Variants in MICALL2 observed in about 807,000 individuals in gnomAD.
The protein encoded by MICALL2 is MICAL-like protein 2.
In MICALL2, 111 loss-of-function variants were observed where a neutral mutation model predicts 91.1. The ratio of observed to expected loss-of-function variants is 1.22; its 90% CI spans 1.04 to 1.43. The LOEUF (loss-of-function observed/expected upper bound fraction) is 1.43, where lower values mean the gene tolerates loss of function less well. Ranked by LOEUF, MICALL2 falls within the 40% of genes most tolerant of loss-of-function variation. The pLI is 0.00. For synonymous variants in MICALL2, 694 were observed against 525.3 expected, an observed-to-expected ratio of 1.32 and a Z score of -4.39; for missense variants, 1,556 against 1,236.0, an observed-to-expected ratio of 1.26 and a Z score of -3.88.
intron 1 of MICALL2, among the ~76,000 whole-genome samples, chr7:1,454,763 A>G (rs1562469610): frequency 6.6e-6 from 1 of 151,894 alleles, no homozygotes; most frequent in African/African-American, 2.4e-5. Flanking sequence ...ACTGCCTGGG[A>G]GCTTCTGGGT....
intron 14 of MICALL2, chr7:1,437,316 T>C (rs988528155): frequency 5.4e-5 from 27 of 497,046 alleles, no homozygotes; most frequent in African/African-American, 1.1e-4. Context: ...ATCCTCACTT[T>C]GCAGAGGATG....
In MICALL2 at chr7:1,446,620, G is replaced by A. The variant is rs566489934; in HGVS notation, c.641+93C>T. 2,328 of 838,698 alleles carry A rather than the reference G, an allele frequency of 2.8e-3. 9 individuals are homozygous for A. Among genetic ancestry groups the A allele is most frequent in the Non-Finnish European group, 3.4e-3 (1,731 of 516,566 alleles). The allele number at this position is 838,698 out of a possible 1,614,324, so 52.0% of individuals were successfully genotyped here. On this transcript the variant is annotated intron_variant, in intron 5 of 16. Transcript: ENST00000297508. ...AGAGGGGAGAGGAACGAGGAGCGGGGAGGAGGAGGCCGGGTGGGAGGCGAT... is the reference window on the plus strand; with the variant it reads ...AGAGGGGAGAGGAACGAGGAGCGGGAAGGAGGAGGCCGGGTGGGAGGCGAT...
chr7:1,448,553 C>A, intron 3 of MICALL2, 67 bp downstream of exon 3: 2 of 1,591,198 alleles, frequency 1.3e-6, no homozygotes, highest in South Asian at 2.2e-5. Flanking sequence ...AGTCCACAGG[C>A]CTGGGAGCCA....
chr7:1,452,845 T>G lies in MICALL2; in HGVS notation c.144-2557A>C, dbSNP rs2128525345. On this transcript the variant is annotated intron_variant, in intron 1 of 16. Transcript: ENST00000297508. This position sits in a 1 kb window ranked among gnomAD's most constrained non-coding sequence, Gnocchi z 6.2. ...GCGTTTGAGGCCTATTCAACTGGGC[T>G]GCACCACCCCGGCCGGTCCCACAGC... Among the ~76,000 whole-genome samples, 1 of 152,230 alleles carries G rather than the reference T, an allele frequency of 6.6e-6. No individual in the cohort carries two copies. Among genetic ancestry groups the G allele is most frequent in the Admixed American group, 6.5e-5 (1 of 15,302 alleles).
intron 1 of MICALL2, among the ~76,000 whole-genome samples, chr7:1,456,273 T>C (rs772573139): frequency 6.8e-6 from 1 of 146,816 alleles, no homozygotes; most frequent in Non-Finnish European, 1.6e-5. Context: ...AAAGAAACAA[T>C]ATGCTGAGTG....
At chr7:1,437,796 G>A in intron 13 of MICALL2, 94 bp downstream of exon 13, 2 of 1,319,524 alleles carry the variant, frequency 1.5e-6, no homozygotes, top group Non-Finnish European at 2.1e-6. Flanking sequence ...ACATGCATCT[G>A]AGGCCTGACT....
Position 1,442,205 on chromosome 7 carries a change from G to A in MICALL2, c.1698C>T (p.Thr566=), listed in dbSNP as rs765795797. ...CCCCTTACTCACCCTGCGTTAAGGT[G>A]GTGCTTTTACCCTTTGCCATCGGGG... ...PEAPMAKGKS[T]TLTQDMSTSL... The change falls in exon 7 of 17, where the codon ACC becomes ACT. Residue 566 remains threonine (T), a synonymous_variant. Transcript: ENST00000297508. 8 of 1,612,502 alleles carry A rather than the reference G, an allele frequency of 5.0e-6. No individual in the cohort carries two copies. The African/African-American group carries it at 1.1e-4, about 22-fold the overall frequency.
At chr7:1,439,474 C>T (rs1431780616) in intron 9 of MICALL2, 2 of 143,784 alleles carry the variant, frequency 1.4e-5, no homozygotes, top group Admixed American at 9.8e-5. Flanking sequence ...CACAGATGTA[C>T]ACATGGACAC....
intron 3 of MICALL2, among the ~76,000 whole-genome samples, chr7:1,448,350 G>A (rs1051384268): frequency 2.0e-5 from 3 of 152,236 alleles, no homozygotes; most frequent in African/African-American, 4.8e-5. Context: ...GGGAAGCAGC[G>A]GGGGCAGCTC....
At chr7:1,436,705 G>C in intron 15 of MICALL2, 37 bp downstream of exon 15, 1 of 1,534,518 alleles carries the variant, frequency 6.5e-7, no homozygotes, top group Non-Finnish European at 8.9e-7. Context: ...AGGCGACCTG[G>C]CCTGGCTGGG....
rs768036636 is a variant in MICALL2, at chr7:1,445,252, G to A, written c.818C>T (p.Pro273Leu). 6 of 1,612,366 alleles carry A rather than the reference G, an allele frequency of 3.7e-6. No individual in the cohort carries two copies. Among genetic ancestry groups the A allele is most frequent in the Non-Finnish European group, 5.1e-6 (6 of 1,179,802 alleles). ...CTTGTTTGCCTCCTGGGCCTTCTGT[G>A]GGGAACAGGAGGTCCTGGAATCCAC... is the stretch of plus-strand genomic sequence containing the variant. ...MGVDSRTSCS[P>L]QKAQEANKAR... The change falls in exon 6 of 17, where the codon CCA (proline) becomes CTA (leucine). Residue 273 changes from proline to leucine, a missense_variant. Physicochemically the swap from Pro to Leu is moderately conservative, Grantham distance 98 (BLOSUM62 -3). Transcript: ENST00000297508.
chr7:1,459,447 GC>G lies in MICALL2; in HGVS notation c.-122del, dbSNP rs1781136405. On this transcript the variant is annotated 5_prime_UTR_variant, in exon 1 of 17. Transcript: ENST00000297508. The stretch of plus-strand genomic sequence containing the variant: ...GCTACGGAACCGCCAGACCCACGGC[GC>G]CCAGCCCCAGCTGAGCCGGACTGAG... 3.1e-6 allele frequency: 3 copies of G among 977,526 alleles called. No individual in the cohort carries two copies. Among genetic ancestry groups the G allele is most frequent in the South Asian group, 2.5e-5 (1 of 39,716 alleles). 60.6% of individuals were successfully genotyped at this position (977,526 alleles called of 1,614,324 possible).
intron 1 of MICALL2, among the ~76,000 whole-genome samples, chr7:1,454,973 A>C (rs1376507261): frequency 6.6e-6 from 1 of 152,062 alleles, no homozygotes; most frequent in East Asian, 1.9e-4. Context: ...CTGCCTTGGA[A>C]CTGAGGGTGC....
chr7:1,444,373 G>A (rs1358498836), intron 6 of MICALL2, among the ~76,000 whole-genome samples: 1 of 152,200 alleles, frequency 6.6e-6, no homozygotes, highest in African/African-American at 2.4e-5. Flanking sequence ...GCAGCACAGG[G>A]GGCCCCGGAG....
chr7:1,435,246 T>G, intron 15 of MICALL2, 99 bp from the exon 16 acceptor site: 1 of 1,269,910 alleles, frequency 7.9e-7, no homozygotes, highest in Non-Finnish European at 1.1e-6. Context: ...CAGCCCTGAG[T>G]CCCGCCTGGA....
chr7:1,442,245 C>A lies in MICALL2; in HGVS notation c.1658G>T (p.Arg553Met), dbSNP rs1488898912. The change falls in exon 7 of 17, where the codon AGG becomes ATG. Residue 553 changes from arginine (R) to methionine (M), a missense_variant. Physicochemically the swap from Arg to Met is moderately conservative, Grantham distance 91 (BLOSUM62 -1). Transcript: ENST00000297508. ...TGCCATCGGGGCCTCTGGCTTCGGCCTGGAGCCAGCACCCACCCTGCCGAC... is the reference window on the plus strand; with the variant it reads ...TGCCATCGGGGCCTCTGGCTTCGGCATGGAGCCAGCACCCACCCTGCCGAC... ...SGVGRVGAGS[R>M]PKPEAPMAKG... is the part of the protein sequence containing the mutation. 1 of 1,612,754 alleles carries A rather than the reference C, an allele frequency of 6.2e-7. No homozygotes were observed. The highest frequency in any genetic ancestry group is 8.5e-7 in the Non-Finnish European group (1 of 1,179,942).
chr7:1,448,445 G>A (rs561391392), intron 3 of MICALL2, among the ~76,000 whole-genome samples, 175 bp downstream of exon 3: 6 of 151,338 alleles, frequency 4.0e-5, no homozygotes, highest in African/African-American at 9.8e-5. Context: ...GGGATGGGGC[G>A]CCCACCAAGG....
rs551074203 is a variant in MICALL2, at chr7:1,451,903, G to C, written c.144-1615C>G. Among the ~76,000 whole-genome samples, 1 of 152,190 alleles carries C rather than the reference G, an allele frequency of 6.6e-6. No homozygotes were observed. The highest frequency in any genetic ancestry group is 2.4e-5 in the African/African-American group (1 of 41,438). Reference sequence around the variant, plus strand: ...GCCCTGACCCCCATAAGAATGCTCCGAGGCCCGGACAGTGAGCCCATTTCA... The same window carrying C: ...GCCCTGACCCCCATAAGAATGCTCCCAGGCCCGGACAGTGAGCCCATTTCA... On this transcript the variant is annotated intron_variant, in intron 1 of 16. Transcript: ENST00000297508. The surrounding 1 kb of genome is among the most constrained non-coding windows in gnomAD (Gnocchi z 4.5).
intron 1 of MICALL2, among the ~76,000 whole-genome samples, chr7:1,456,757 C>T (rs368174550): frequency 1.6e-4 from 24 of 152,180 alleles, no homozygotes; most frequent in African/African-American, 3.4e-4. Context: ...GGCGACAGAG[C>T]GAGACTCCAA....
Sources: allele counts gnomAD v4.1 joint callset (sites outside exome capture counted in the v4.1 genomes callset), GRCh38; gene constraint gnomAD v4.1.1; non-coding constraint Gnocchi (gnomAD v3.1); transcripts MANE v1.5; gene names NCBI Gene and HGNC (gene_info 2026-07-23, HGNC 2026-07-21).